FCSK: variants seen among roughly 807,000 people sequenced by gnomAD.
The protein encoded by FCSK is fucose kinase.
Under a neutral mutation model 122.5 loss-of-function variants are expected in FCSK, and 123 were observed. That is an observed-to-expected ratio of 1.00 (90% CI 0.87 to 1.17). FCSK has a LOEUF of 1.17. FCSK is among the 50% of genes most tolerant of loss of function. The pLI, the probability that FCSK is intolerant of heterozygous loss-of-function variation, is 0.00. For missense variants in FCSK, 1,366 were observed against 1,450.4 expected (o/e 0.94, Z 0.95); for synonymous variants, 620 against 625.5 (o/e 0.99, Z 0.13).
rs774760793 is a variant in FCSK, at chr16:70,474,187, C to T, written c.1836C>T (p.Asp612=). Residue 612 remains aspartate, a synonymous_variant, in exon 16 of 24, where the codon GAC becomes GAT. Transcript: ENST00000288078. ...VAARALACVA[D]VLGCMAEGRG... is the part of the protein sequence containing the mutation. ...CACGGGCACTGGCCTGTGTGGCGGACGTCCTGGGCTGCATGGCAGAGGGCC... is the reference window on the plus strand; with the variant it reads ...CACGGGCACTGGCCTGTGTGGCGGATGTCCTGGGCTGCATGGCAGAGGGCC... 2.7e-5 allele frequency: 42 copies of T among 1,566,694 alleles called. No individual in the cohort carries two copies. Among genetic ancestry groups the T allele is most frequent in the Admixed American group, 1.2e-4 (6 of 52,062 alleles).
In FCSK at chr16:70,474,908, T is replaced by C. The variant is rs1284401812; in HGVS notation, c.2274T>C (p.Pro758=). The change falls in exon 18 of 24, where the codon CCT becomes CCC. Residue 758 remains proline, a synonymous_variant. Transcript: ENST00000288078. ...IGARARRIPE[P]ELWLAVGPRQ... ...CCAGGGCACGCCGCATCCCGGAGCC[T>C]GAGCTGTGGCTGGCGGTGGGGCCTC... 3 of 1,610,780 alleles carry C rather than the reference T, an allele frequency of 1.9e-6. No homozygotes were observed.
intron 7 of FCSK, chr16:70,467,685 T>C: frequency 1.6e-6 from 1 of 637,604 alleles, no homozygotes. Flanking sequence ...GTGCCCAGGC[T>C]CAGGGCTGCA....
intron 1 of FCSK, among the ~76,000 whole-genome samples, chr16:70,461,937 C>G (rs2048279417): frequency 1.3e-5 from 2 of 152,182 alleles, no homozygotes; most frequent in African/African-American, 2.4e-5. Flanking sequence ...CATAGCAGGA[C>G]TATTCACATC....
rs199874342 is a variant in FCSK, at chr16:70,475,641, C to G, written c.2522-7C>G. 9 of 1,586,252 alleles carry G rather than the reference C, an allele frequency of 5.7e-6. No homozygotes were observed. In the Admixed American group the frequency reaches 1.6e-4, roughly 28 times the overall value. On this transcript the variant is annotated splice_region_variant and splice_polypyrimidine_tract_variant and intron_variant, in intron 19 of 23. Coordinates refer to ENST00000288078, the MANE Select transcript of FCSK (RefSeq NM_145059.3). ...TTCATGTCTGCTCTCTCCTCTCCGCCCTGCAGGCACCAGCAGCATCCTGGC... is the reference window on the plus strand; with the variant it reads ...TTCATGTCTGCTCTCTCCTCTCCGCGCTGCAGGCACCAGCAGCATCCTGGC...
Position 70,470,992 on chromosome 16 carries a change from G to T in FCSK, c.1090G>T (p.Gly364Trp). Reference protein sequence around the residue: ...QVEEQQLLAAGSSVVSCLLEG... With the variant: ...QVEEQQLLAAWSSVVSCLLEG... ...ACAGGAGCAGCAGCTTCTGGCGGCCGGGAGCTCTGTGGTCAGCTGCCTGCT... is the reference window on the plus strand; with the variant it reads ...ACAGGAGCAGCAGCTTCTGGCGGCCTGGAGCTCTGTGGTCAGCTGCCTGCT... The change falls in exon 12 of 24, where the codon GGG becomes TGG. Residue 364 changes from glycine to tryptophan, a missense_variant. Physicochemically the swap from Gly to Trp is radical, Grantham distance 184. Transcript: ENST00000288078. 6.3e-7 allele frequency: 1 copy of T among 1,595,788 alleles called. No homozygotes were observed. The highest frequency in any genetic ancestry group is 8.5e-7 in the Non-Finnish European group (1 of 1,173,270).
chr16:70,476,768 A>G (rs144991417), intron 20 of FCSK, among the ~76,000 whole-genome samples: 1 of 152,360 alleles, frequency 6.6e-6, no homozygotes, highest in East Asian at 1.9e-4. Context: ...ATCGGTAGTC[A>G]TTAGCAAAAG....
In FCSK at chr16:70,463,165, T is replaced by C; in HGVS notation, c.-22-4T>C. The C allele has an allele frequency of 5.6e-6, 9 of 1,598,472 alleles. No individual in the cohort carries two copies. Among genetic ancestry groups the C allele is most frequent in the Non-Finnish European group, 7.7e-6 (9 of 1,167,328 alleles). On this transcript the variant is annotated splice_region_variant and splice_polypyrimidine_tract_variant and intron_variant, in intron 1 of 23. Transcript: ENST00000288078. ...AGTCACATCTACCCATATTGCTGTC[T>C]CAGGAAGCCCCTCCGCTTGGCCAGA...
intron 16 of FCSK, 78 bp downstream of exon 16, chr16:70,474,417 G>C (rs1597632800): frequency 1.3e-6 from 2 of 1,558,588 alleles, no homozygotes; most frequent in South Asian, 2.3e-5. Flanking sequence ...AGGAAACCCA[G>C]AGAGAGGTGG....
At chr16:70,468,742 G>C in intron 8 of FCSK, 107 bp from the exon 9 acceptor site, 1 of 1,406,040 alleles carries the variant, frequency 7.1e-7, no homozygotes, top group South Asian at 1.2e-5. Context: ...CTCCCTGCCT[G>C]GTATGGCACT....
intron 1 of FCSK, among the ~76,000 whole-genome samples, chr16:70,455,547 A>T (rs767671258): frequency 7.3e-5 from 11 of 151,626 alleles, no homozygotes; most frequent in Non-Finnish European, 1.2e-4. Flanking sequence ...CTTAGGGCAC[A>T]CTTTCTCAGG....
intron 2 of FCSK, 48 bp from the exon 3 acceptor site, chr16:70,463,575 C>T: frequency 6.2e-7 from 1 of 1,603,654 alleles, no homozygotes; most frequent in Middle Eastern, 1.9e-4. Flanking sequence ...TGCTTTGGGC[C>T]AGGGCAGAGA....
At position 70,471,372 on chromosome 16, in the gene FCSK, T is replaced by A. The variant is rs772417266; in HGVS notation, c.1341+20T>A. On this transcript the variant is annotated intron_variant, in intron 13 of 23. Transcript: ENST00000288078. ...TGGGAGGTAGGCAGTCACCCTGCAT[T>A]CCCTCACCCCCATCTTCAGGCTTTG... 4.5e-6 allele frequency: 7 copies of A among 1,545,644 alleles called. No homozygotes were observed. Among genetic ancestry groups the A allele is most frequent in the Non-Finnish European group, 6.1e-6 (7 of 1,139,370 alleles).
rs370238324 is a variant in FCSK at position 70,479,394 on chromosome 16, C to T, written c.3144C>T (p.Ala1048=). The change falls in exon 23 of 24, where the codon GCC becomes GCT. Residue 1048 remains alanine, a synonymous_variant. Coordinates refer to ENST00000288078, the MANE Select transcript of FCSK (RefSeq NM_145059.3). ...AGGAGGCCTTGGAGGCGGTGCTGGC[C>T]AAGACCGAGGTACTGATGGGGCTGG... ...QQKEALEAVL[A]KTEGLGNYSI... 6.2e-7 allele frequency: 1 copy of T among 1,612,850 alleles called. No homozygotes were observed. The highest frequency in any genetic ancestry group is 8.5e-7 in the Non-Finnish European group (1 of 1,179,620).
chr16:70,454,888 G>T (rs2048040738), intron 1 of FCSK: 1 of 152,292 alleles, frequency 6.6e-6, no homozygotes, highest in African/African-American at 2.4e-5. Flanking sequence ...GGACCTGCTG[G>T]CAGCTGGGAC....
chr16:70,465,872 G>A (rs188589877), intron 4 of FCSK, among the ~76,000 whole-genome samples: 1 of 152,244 alleles, frequency 6.6e-6, no homozygotes, highest in African/African-American at 2.4e-5. Flanking sequence ...AGAATTGCTT[G>A]AACCCAGGAG....
rs767795572 is a variant in FCSK, at chr16:70,463,153, C to G, written c.-22-16C>G. 1 of 1,441,280 alleles carries G rather than the reference C, an allele frequency of 6.9e-7. No homozygotes were observed. The highest frequency in any genetic ancestry group is 1.7e-5 in the Admixed American group (1 of 57,754). The allele number at this position is 1,441,280 out of a possible 1,614,324, so 89.3% of individuals were successfully genotyped here. On this transcript the variant is annotated splice_polypyrimidine_tract_variant and intron_variant, in intron 1 of 23. Coordinates refer to ENST00000288078, the MANE Select transcript of FCSK (RefSeq NM_145059.3). ...GGTTTAAAAAATAGTCACATCTACC[C>G]ATATTGCTGTCTCAGGAAGCCCCTC...
At chr16:70,460,846 C>T (rs943039725) in intron 1 of FCSK, among the ~76,000 whole-genome samples, 1 of 152,200 alleles carries the variant, frequency 6.6e-6, no homozygotes, top group Non-Finnish European at 1.5e-5. Flanking sequence ...GTGGGAGATT[C>T]AGATCGTAGC....
At chr16:70,460,592 A>AT (rs2048235771) in intron 1 of FCSK, among the ~76,000 whole-genome samples, 2 of 151,596 alleles carry the variant, frequency 1.3e-5, no homozygotes, top group African/African-American at 4.9e-5. Context: ...TTTATTAGAG[A>AT]CGGGGTTTCA....
At chr16:70,470,211 C>A in intron 10 of FCSK, 103 bp from the exon 11 acceptor site, 1 of 745,132 alleles carries the variant, frequency 1.3e-6, no homozygotes. Flanking sequence ...CCCTAACAGG[C>A]TCATGGCCAC....
Sources: allele counts gnomAD v4.1 joint callset (sites outside exome capture counted in the v4.1 genomes callset), GRCh38; gene constraint gnomAD v4.1.1; transcripts MANE v1.5; gene names NCBI Gene and HGNC (gene_info 2026-07-23, HGNC 2026-07-21).